The following ZNG1A variants were observed in gnomAD, a reference collection of about 807,000 sequenced individuals.
The protein encoded by ZNG1A is Zn regulated GTPase metalloprotein activator 1A, also known as zinc-regulated GTPase metalloprotein activator 1A.
the ZNG1A span, among the ~76,000 whole-genome samples, chr9:161,925 C>T: frequency 4.0e-5 from 6 of 150,972 alleles, no homozygotes; most frequent in Non-Finnish European, 8.8e-5. Context: ...TTTTAAGTTC[C>T]AGGGTACATG....
chr9:168,420 T>C, the ZNG1A span, among the ~76,000 whole-genome samples: 1 of 151,476 alleles, frequency 6.6e-6, no homozygotes, highest in Non-Finnish European at 1.5e-5. Context: ...GCCAGGCTAA[T>C]TTTTGGTATT....
chr9:131,842 G>A, the ZNG1A span, among the ~76,000 whole-genome samples: 1 of 148,892 alleles, frequency 6.7e-6, no homozygotes, highest in Admixed American at 6.6e-5. Context: ...AACACTCCTA[G>A]ACAGCACTGC....
the ZNG1A span, chr9:161,509 T>C: frequency 8.9e-7 from 1 of 1,120,096 alleles, no homozygotes. Flanking sequence ...AGATATGAGG[T>C]TGGATACAAA....
the ZNG1A span, among the ~76,000 whole-genome samples, chr9:126,439 G>A: frequency 0.51 from 76,479 of 149,066 alleles, 20,116 homozygotes; most frequent in East Asian, 0.76. Context: ...AGCTAGGAGG[G>A]TTGTATCTTT....
the ZNG1A span, chr9:154,620 A>T: frequency 1.1e-6 from 1 of 946,336 alleles, no homozygotes; most frequent in African/African-American, 1.6e-5. Context: ...CTTATACCTT[A>T]AGTTTCTACA....
chr9:132,223 A>T, the ZNG1A span, among the ~76,000 whole-genome samples: 1 of 147,726 alleles, frequency 6.8e-6, no homozygotes, highest in East Asian at 2.0e-4. Context: ...AGGTACAAAT[A>T]TATGTAAAAA....
At chr9:157,127 T>C in the ZNG1A span, among the ~76,000 whole-genome samples, 3 of 130,136 alleles carry the variant, frequency 2.3e-5, no homozygotes, top group African/African-American at 8.9e-5. Context: ...CTAAAAGCAG[T>C]TTATCATTTA....
the ZNG1A span, among the ~76,000 whole-genome samples, chr9:164,923 T>C: frequency 6.6e-6 from 1 of 152,022 alleles, no homozygotes; most frequent in African/African-American, 2.4e-5. Flanking sequence ...TTTACAGTGA[T>C]TACTCATGCA....
At chr9:175,750 C>G in the ZNG1A span, 1 of 1,546,570 alleles carries the variant, frequency 6.5e-7, no homozygotes, top group Non-Finnish European at 8.8e-7. Context: ...GTTGCTCTGT[C>G]AAAATATAGT....
the ZNG1A span, chr9:177,915 C>A: frequency 5.3e-6 from 8 of 1,502,686 alleles, no homozygotes; most frequent in Non-Finnish European, 6.3e-6. Context: ...TTAAAAAAAA[C>A]AAAAGCAGTT....
chr9:125,027 C>A, the ZNG1A span, among the ~76,000 whole-genome samples: 1 of 152,120 alleles, frequency 6.6e-6, no homozygotes, highest in Non-Finnish European at 1.5e-5. Flanking sequence ...TGCGTGTGCA[C>A]GTATCTTTTT....
At chr9:170,327 G>T in the ZNG1A span, among the ~76,000 whole-genome samples, 2,986 of 143,322 alleles carry the variant, frequency 0.021, 58 homozygotes, top group African/African-American at 0.037. Flanking sequence ...GGAATAAAAT[G>T]TACCTACTTG....
chr9:147,615 G>A, the ZNG1A span: 13 of 144,412 alleles, frequency 9.0e-5, no homozygotes, highest in African/African-American at 3.2e-4. Flanking sequence ...TTAGAAAAAT[G>A]ATCAAGCAAA....
chr9:140,650 G>A, the ZNG1A span, among the ~76,000 whole-genome samples: 2 of 151,714 alleles, frequency 1.3e-5, no homozygotes, highest in Non-Finnish European at 2.9e-5. Flanking sequence ...TCCTCCAAAG[G>A]AACGCAGCTC....
the ZNG1A span, among the ~76,000 whole-genome samples, chr9:165,000 A>C: frequency 6.6e-6 from 1 of 152,196 alleles, no homozygotes; most frequent in African/African-American, 2.4e-5. Context: ...CCAAAAACTT[A>C]ATAGTTTTCC....
the ZNG1A span, among the ~76,000 whole-genome samples, chr9:155,992 T>C: frequency 6.6e-6 from 1 of 150,454 alleles, no homozygotes; most frequent in African/African-American, 2.4e-5. Flanking sequence ...ATGCAAAAAT[T>C]AGCTGGGCAT....
At chr9:172,360 A>G in the ZNG1A span, 1 of 602,846 alleles carries the variant, frequency 1.7e-6, no homozygotes, top group Non-Finnish European at 2.9e-6. Flanking sequence ...CAATAGATGC[A>G]TATATATAAT....
chr9:129,368 A>T, the ZNG1A span, among the ~76,000 whole-genome samples: 8 of 151,872 alleles, frequency 5.3e-5, no homozygotes, highest in South Asian at 1.7e-3. Flanking sequence ...CAAATGTGAG[A>T]CTTTTAAAAG....
chr9:159,391 A>G, the ZNG1A span, among the ~76,000 whole-genome samples: 2 of 151,418 alleles, frequency 1.3e-5, no homozygotes, highest in Non-Finnish European at 2.9e-5. Flanking sequence ...AGTTAATTCT[A>G]TTGTATACTT....
Sources: allele counts gnomAD v4.1 joint callset (sites outside exome capture counted in the v4.1 genomes callset), GRCh38; gene constraint gnomAD v4.1.1; transcripts MANE v1.5; gene names NCBI Gene and HGNC (gene_info 2026-07-23, HGNC 2026-07-21).